FRYL: variants seen among roughly 807,000 people sequenced by gnomAD.
FRYL encodes the protein protein furry homolog-like.
FRYL carries 150 observed loss-of-function variants against 351.2 expected under a neutral mutation model. That is an observed-to-expected ratio of 0.43 (90% CI 0.37 to 0.49). The LOEUF (loss-of-function observed/expected upper bound fraction) is 0.49. Among genes scored for constraint, FRYL ranks in the 20% least tolerant of loss-of-function variants. The pLI is 0.00. For missense variants in FRYL, 3,036 were observed against 3,619.3 expected, an observed-to-expected ratio of 0.84 and a Z score of 4.13; for synonymous variants, 1,153 against 1,257.1, an observed-to-expected ratio of 0.92 and a Z score of 1.75.
chr4:48,515,773 G>A (rs926286666), intron 55 of FRYL, among the ~76,000 whole-genome samples: 1 of 152,088 alleles, frequency 6.6e-6, no homozygotes, highest in African/African-American at 2.4e-5. Flanking sequence ...TAGAAACATT[G>A]AGGACTTTTT....
intron 2 of FRYL, among the ~76,000 whole-genome samples, chr4:48,686,594 A>G (rs1203732801): frequency 1.3e-5 from 2 of 152,196 alleles, no homozygotes; most frequent in Non-Finnish European, 2.9e-5. Context: ...GATTTAAGCT[A>G]TCTTTCATTT....
chr4:48,628,698 C>G (rs1319857539), intron 4 of FRYL, among the ~76,000 whole-genome samples: 6 of 151,942 alleles, frequency 3.9e-5, no homozygotes, highest in Non-Finnish European at 8.8e-5. Flanking sequence ...CCAACATAAA[C>G]AAAATGACAA....
At position 48,620,640 on chromosome 4, in the gene FRYL, C is replaced by T. The variant is rs1347763217; in HGVS notation, c.313G>A (p.Gly105Arg). The T allele has an allele frequency of 1.3e-5, 21 of 1,612,106 alleles. No homozygotes were observed. The highest frequency in any genetic ancestry group is 1.8e-5 in the Non-Finnish European group (21 of 1,178,614). The part of the protein sequence containing the change: ...YRPRSSTKSK[G>R]DEQQRERDYL... Reference sequence around the variant, plus strand: ...AACAGTGTAAAATAAAGCACTTACCCCTTAGACTTTGTGCTAGACCGAGGC... The same window carrying T: ...AACAGTGTAAAATAAAGCACTTACCTCTTAGACTTTGTGCTAGACCGAGGC... Residue 105 changes from glycine to arginine, a missense_variant and splice_region_variant, in exon 6 of 64, where the codon GGG becomes AGG. By Grantham distance (125) the Gly-to-Arg change is moderately radical. Around this residue, in one of 7 missense-constraint regions of FRYL, gnomAD observed 457 missense variants for 566.6 expected, o/e 0.81. Transcript: ENST00000358350.
chr4:48,592,081 C>G, intron 16 of FRYL, among the ~76,000 whole-genome samples: 1 of 24,808 alleles, frequency 4.0e-5, no homozygotes. Context: ...AAATAAAGCT[C>G]TTATATATAT....
At chr4:48,506,625 T>C (rs1429343393) in intron 59 of FRYL, 1 of 27,388 alleles carries the variant, frequency 3.7e-5, no homozygotes, top group African/African-American at 9.7e-5. Context: ...AATATATATA[T>C]ATATATATAT....
At chr4:48,519,450 C>T (rs1172377993) in intron 55 of FRYL, among the ~76,000 whole-genome samples, 1 of 151,732 alleles carries the variant, frequency 6.6e-6, no homozygotes, top group East Asian at 1.9e-4. Context: ...TTCATAAAGC[C>T]TTGAACCTAT....
At chr4:48,670,529 A>C (rs1163883969) in intron 3 of FRYL, among the ~76,000 whole-genome samples, 3 of 151,546 alleles carry the variant, frequency 2.0e-5, no homozygotes, top group Non-Finnish European at 2.9e-5. Context: ...GATGTTATTC[A>C]TTCTTTCTAA....
chr4:48,622,391 T>C (rs1306703741), intron 5 of FRYL, among the ~76,000 whole-genome samples: 1 of 152,174 alleles, frequency 6.6e-6, no homozygotes, highest in East Asian at 1.9e-4. Flanking sequence ...TAAATGTATG[T>C]ATCAGAATCA....
chr4:48,541,957 A>C, intron 45 of FRYL, 70 bp downstream of exon 45: 2 of 1,044,586 alleles, frequency 1.9e-6, no homozygotes, highest in Non-Finnish European at 3.0e-6. Flanking sequence ...TAGAATTTTA[A>C]AAGTTATAGC....
intron 1 of FRYL, among the ~76,000 whole-genome samples, chr4:48,711,036 G>A (rs1251706010): frequency 1.3e-5 from 2 of 152,206 alleles, no homozygotes; most frequent in Admixed American, 6.5e-5. Flanking sequence ...ACTGATACAT[G>A]CTACAACATG....
intron 40 of FRYL, 118 bp downstream of exon 40, chr4:48,548,572 T>C (rs1363348539): frequency 6.2e-6 from 4 of 650,168 alleles, no homozygotes; most frequent in Non-Finnish European, 1.1e-5. Context: ...AAAAGTGTCA[T>C]GGAAATAACA....
intron 3 of FRYL, among the ~76,000 whole-genome samples, chr4:48,657,074 T>C (rs1560801948): frequency 6.6e-6 from 1 of 152,220 alleles, no homozygotes; most frequent in Non-Finnish European, 1.5e-5. Flanking sequence ...AAGTATTAAC[T>C]AGGACAACTA....
intron 40 of FRYL, among the ~76,000 whole-genome samples, chr4:48,548,056 A>AT (rs901209380): frequency 1.4e-3 from 211 of 148,808 alleles, no homozygotes; most frequent in South Asian, 0.013. Flanking sequence ...ATGGAAATGA[A>AT]TTTTTTTTTT....
chr4:48,579,478 C>T (rs1305225057), intron 22 of FRYL, among the ~76,000 whole-genome samples: 2 of 152,142 alleles, frequency 1.3e-5, no homozygotes, highest in Admixed American at 6.5e-5. Context: ...CTCAAGAGGA[C>T]TATAAACCAA....
At chr4:48,691,963 C>T (rs978871481) in intron 2 of FRYL, among the ~76,000 whole-genome samples, 2 of 151,942 alleles carry the variant, frequency 1.3e-5, no homozygotes, top group African/African-American at 2.4e-5. Flanking sequence ...TACTGCAGTG[C>T]TATTTCATGA....
At chr4:48,683,923 T>C (rs1578715903) in intron 3 of FRYL, among the ~76,000 whole-genome samples, 1 of 152,164 alleles carries the variant, frequency 6.6e-6, no homozygotes, top group East Asian at 1.9e-4. Context: ...TTGTCTGTGG[T>C]TTTCCCCAGG....
At chr4:48,701,236 C>T (rs1766682961) in intron 2 of FRYL, among the ~76,000 whole-genome samples, 1 of 152,022 alleles carries the variant, frequency 6.6e-6, no homozygotes, top group Admixed American at 6.5e-5. Context: ...TATTAGGAGA[C>T]AAAAACAACT....
Position 48,716,326 on chromosome 4 carries a change from G to A in FRYL, c.-383-5628C>T, listed in dbSNP as rs548212538. Among the ~76,000 whole-genome samples, 7 of 151,540 alleles carry A rather than the reference G, an allele frequency of 4.6e-5. No homozygotes were observed. The East Asian group carries it at 1.4e-3, about 29-fold the overall frequency. On this transcript the variant is annotated intron_variant, in intron 1 of 63. Coordinates refer to ENST00000358350, the MANE Select transcript of FRYL (RefSeq NM_015030.2). Reference sequence around the variant, plus strand: ...TGCACAGCAAAAGAAACTACCATCAGAGTGAACAGGCAACCCACAAAATGG... The same window carrying A: ...TGCACAGCAAAAGAAACTACCATCAAAGTGAACAGGCAACCCACAAAATGG...
At chr4:48,518,984 C>T (rs1008776293) in intron 55 of FRYL, among the ~76,000 whole-genome samples, 37 of 152,330 alleles carry the variant, frequency 2.4e-4, no homozygotes, top group Non-Finnish European at 4.6e-4. Context: ...CGAGGTAGCG[C>T]CTCAGTAGAT....
Sources: allele counts gnomAD v4.1 joint callset (sites outside exome capture counted in the v4.1 genomes callset), GRCh38; gene constraint gnomAD v4.1.1; regional missense constraint gnomAD v4.1.1; transcripts MANE v1.5; gene names NCBI Gene and HGNC (gene_info 2026-07-23, HGNC 2026-07-21).